The following OTOP3 variants were observed in gnomAD, a reference collection of about 807,000 sequenced individuals.
OTOP3 encodes proton channel OTOP3.
A neutral mutation model predicts 50.8 loss-of-function variants in OTOP3; 41 were observed. That is an observed-to-expected ratio of 0.81 (90% CI 0.63 to 1.05). The LOEUF is 1.05. OTOP3 is among the 50% of genes least tolerant of loss of function. The pLI, the probability that OTOP3 is intolerant of heterozygous loss-of-function variation, is 0.00. For missense variants in OTOP3, 788 were observed against 760.8 expected (o/e 1.04, Z -0.42); for synonymous variants, 320 against 324.4 (o/e 0.99, Z 0.14).
intron 1 of OTOP3, among the ~76,000 whole-genome samples, 162 bp downstream of exon 1, chr17:74,936,102 C>T (rs1197626002): frequency 6.6e-6 from 1 of 152,226 alleles, no homozygotes; most frequent in Non-Finnish European, 1.5e-5. Flanking sequence ...AATCTGAGGC[C>T]GGCCCCTCCA....
chr17:74,942,239 C>T (rs887025404), intron 3 of OTOP3, among the ~76,000 whole-genome samples: 2 of 152,186 alleles, frequency 1.3e-5, no homozygotes, highest in African/African-American at 2.4e-5. Flanking sequence ...ACACACACAC[C>T]GTGTCACCGA....
In OTOP3 at chr17:74,946,896, G is replaced by T; in HGVS notation, c.987G>T (p.Val329=). ...TCGGGCCGCTGCTGGGCCTGCTGGT[G>T]CTGCTGGCAGGTGTGTGCGTCTTTG... ...AIFGPLLGLL[V]LLAGVCVFVL... Residue 329 remains valine (V), a synonymous_variant, in exon 6 of 7, where the codon GTG becomes GTT. Coordinates refer to ENST00000328801, the MANE Select transcript of OTOP3 (RefSeq NM_001272005.2). 6.2e-7 allele frequency: 1 copy of T among 1,611,622 alleles called. No individual in the cohort carries two copies. Among genetic ancestry groups the T allele is most frequent in the Non-Finnish European group, 8.5e-7 (1 of 1,179,894 alleles).
chr17:74,942,128 A>C lies in OTOP3; in HGVS notation c.573+91A>C, dbSNP rs1450050044. On this transcript the variant is annotated intron_variant, in intron 3 of 6. Coordinates refer to ENST00000328801, the MANE Select transcript of OTOP3 (RefSeq NM_001272005.2). ...CCTCCCACTACCTATGCCTAGGAACAGCCACACAGGCAAATACCTAATGTC... is the reference window on the plus strand; with the variant it reads ...CCTCCCACTACCTATGCCTAGGAACCGCCACACAGGCAAATACCTAATGTC... 2.7e-5 allele frequency: 39 copies of C among 1,461,482 alleles called. No individual in the cohort carries two copies. The South Asian group carries it at 5.2e-4, about 19-fold the overall frequency. The allele number at this position is 1,461,482 out of a possible 1,614,324, so 90.5% of individuals were successfully genotyped here.
Position 74,946,691 on chromosome 17 carries a change from A to G in OTOP3, c.782A>G (p.Asn261Ser). The G allele has an allele frequency of 1.9e-6, 3 of 1,610,706 alleles. No homozygotes were observed. The highest frequency in any genetic ancestry group is 2.2e-5 in the East Asian group (1 of 44,854). The change falls in exon 6 of 7, where the codon AAT becomes AGT. Residue 261 changes from asparagine (N) to serine (S), a missense_variant. Transcript: ENST00000328801. ...GAGACCAACACCTGTCTGTGCCTCA[A>G]TGCCACCGCGTGTGAAGCTTTCCGG... The part of the protein sequence containing the change: ...GNETNTCLCL[N>S]ATACEAFRRG...
chr17:74,946,017 G>A (rs899439181), intron 5 of OTOP3, among the ~76,000 whole-genome samples: 6 of 151,012 alleles, frequency 4.0e-5, no homozygotes, highest in Admixed American at 1.3e-4. Flanking sequence ...TTGCTCTGTC[G>A]CCCAGGCTGG....
intron 6 of OTOP3, among the ~76,000 whole-genome samples, chr17:74,948,158 T>A (rs1280754981): frequency 6.6e-6 from 1 of 152,094 alleles, no homozygotes; most frequent in Non-Finnish European, 1.5e-5. Flanking sequence ...GAAGGCTTCA[T>A]GAAGTTTTGA....
chr17:74,946,662 C>A lies in OTOP3; in HGVS notation c.753C>A (p.Gly251=). The A allele has an allele frequency of 6.2e-7, 1 of 1,600,226 alleles. No individual in the cohort carries two copies. Among genetic ancestry groups the A allele is most frequent in the Non-Finnish European group, 8.5e-7 (1 of 1,171,164 alleles). The change falls in exon 6 of 7, where the codon GGC becomes GGA. Residue 251 remains glycine, a splice_region_variant and synonymous_variant. Transcript: ENST00000328801. ...ELGILMEKST[G]NETNTCLCLN... ...CCTCCCACCCTGCCTCCCTCCCAGGCAATGAGACCAACACCTGTCTGTGCC... is the reference window on the plus strand; with the variant it reads ...CCTCCCACCCTGCCTCCCTCCCAGGAAATGAGACCAACACCTGTCTGTGCC...
At position 74,941,972 on chromosome 17, in the gene OTOP3, A is replaced by G. The variant is rs199940677; in HGVS notation, c.508A>G (p.Ile170Val). The G allele has an allele frequency of 2.5e-6, 4 of 1,613,734 alleles. No homozygotes were observed. The highest frequency in any genetic ancestry group is 1.7e-6 in the Non-Finnish European group (2 of 1,179,810). Residue 170 changes from isoleucine to valine, a missense_variant, in exon 3 of 7, where the codon ATC (isoleucine) becomes GTC (valine). By Grantham distance (29) the Ile-to-Val change is conservative. Coordinates refer to ENST00000328801, the MANE Select transcript of OTOP3 (RefSeq NM_001272005.2). ...CCGAGTGGGCTACGATGTGAGCCACATCCGCTGCAAGTCACAGCTGGACCT... is the reference window on the plus strand; with the variant it reads ...CCGAGTGGGCTACGATGTGAGCCACGTCCGCTGCAAGTCACAGCTGGACCT... Reference protein sequence around the residue: ...IFRVGYDVSHIRCKSQLDLVF... With the variant: ...IFRVGYDVSHVRCKSQLDLVF...
chr17:74,949,297 G>A lies in OTOP3; in HGVS notation c.1618G>A (p.Glu540Lys), dbSNP rs1288737372. ...GIHPEFENGL[E>K]KDFYGYQIWF... is the part of the protein sequence containing the mutation. ...ACACCCGGAGTTTGAGAACGGGCTA[G>A]AAAAGGATTTCTACGGCTACCAGAT... Residue 540 changes from glutamate to lysine, a missense_variant, in exon 7 of 7, where the codon GAA becomes AAA. Glu to Lys is a moderately conservative substitution (Grantham distance 56). Coordinates refer to ENST00000328801, the MANE Select transcript of OTOP3 (RefSeq NM_001272005.2). 2 of 1,614,044 alleles carry A rather than the reference G, an allele frequency of 1.2e-6. No individual in the cohort carries two copies. Among genetic ancestry groups the A allele is most frequent in the African/African-American group, 2.7e-5 (2 of 74,932 alleles).
chr17:74,948,558 G>A (rs2039250802), intron 6 of OTOP3, among the ~76,000 whole-genome samples: 1 of 152,222 alleles, frequency 6.6e-6, no homozygotes, highest in Non-Finnish European at 1.5e-5. Context: ...TACTCGGGAG[G>A]CTGAGGCACG....
rs781501800 is a variant in OTOP3, at chr17:74,941,680, G to A, written c.307G>A (p.Val103Met). ...FNKVAVTLGD[V>M]WILLATLKVL... ...CAAGGTGGCCGTCACTCTGGGTGAC[G>A]TGTGGATCCTGCTGGCCACGCTGAA... Residue 103 changes from valine (V) to methionine (M), a missense_variant, in exon 2 of 7, where the codon GTG (valine) becomes ATG (methionine). Val to Met is a conservative substitution (Grantham distance 21). Transcript: ENST00000328801. 50 of 1,614,140 alleles carry A rather than the reference G, an allele frequency of 3.1e-5. No homozygotes were observed. Among genetic ancestry groups the A allele is most frequent in the Middle Eastern group, 1.6e-4 (1 of 6,062 alleles).
chr17:74,938,964 T>C (rs1054623716), intron 1 of OTOP3, among the ~76,000 whole-genome samples: 5 of 150,228 alleles, frequency 3.3e-5, no homozygotes, highest in African/African-American at 9.8e-5. Context: ...GGCGAGGAGT[T>C]CAAGACCAGC....
chr17:74,937,739 G>A (rs1382382209), intron 1 of OTOP3, among the ~76,000 whole-genome samples: 1 of 152,176 alleles, frequency 6.6e-6, no homozygotes, highest in Non-Finnish European at 1.5e-5. Flanking sequence ...ACTAGGTTTG[G>A]GGGGTCCAAG....
Position 74,949,618 on chromosome 17 carries a change from T to C in OTOP3, c.*202T>C. 2 of 610,700 alleles carry C rather than the reference T, an allele frequency of 3.3e-6. No homozygotes were observed. The highest frequency in any genetic ancestry group is 2.8e-6 in the Non-Finnish European group (1 of 358,434). The allele number at this position is 610,700 out of a possible 1,614,324, so 37.8% of individuals were successfully genotyped here. On this transcript the variant is annotated 3_prime_UTR_variant, in exon 7 of 7. Coordinates refer to ENST00000328801, the MANE Select transcript of OTOP3 (RefSeq NM_001272005.2). ...AGGGGCCTGGACACTGAGCTTCTGA[T>C]GCCCACGGCCAGGCCTGGGCACATG...
intron 6 of OTOP3, among the ~76,000 whole-genome samples, chr17:74,947,851 C>G (rs1375645963): frequency 6.6e-6 from 1 of 152,228 alleles, no homozygotes; most frequent in African/African-American, 2.4e-5. Context: ...CCCAGGTACA[C>G]CTTTCCATGC....
At chr17:74,945,812 ACT>A (rs2039219854) in intron 5 of OTOP3, among the ~76,000 whole-genome samples, 1 of 151,778 alleles carries the variant, frequency 6.6e-6, no homozygotes, top group Non-Finnish European at 1.5e-5. Context: ...TTTGAGACAC[ACT>A]CTCACTCTGT....
chr17:74,940,130 CACAT>C (rs1354426702), intron 1 of OTOP3, among the ~76,000 whole-genome samples: 1,948 of 101,018 alleles, frequency 0.019, 32 homozygotes, highest in South Asian at 0.092. Context: ...CACACACACA[CACAT>C]ACATATATAC....
rs778819566 is a variant in OTOP3 at position 74,946,909 on chromosome 17, G to A, written c.1000G>A (p.Val334Met). Residue 334 changes from valine (V) to methionine (M), a missense_variant, in exon 6 of 7, where the codon GTG becomes ATG. Coordinates refer to ENST00000328801, the MANE Select transcript of OTOP3 (RefSeq NM_001272005.2). ...LLGLLVLLAG[V>M]CVFVLFQIEA... ...GGGCCTGCTGGTGCTGCTGGCAGGT[G>A]TGTGCGTCTTTGTGCTCTTCCAAAT... The A allele has an allele frequency of 1.2e-6, 2 of 1,612,066 alleles. No homozygotes were observed. The highest frequency in any genetic ancestry group is 4.5e-5 in the East Asian group (2 of 44,888).
intron 6 of OTOP3, 64 bp from the exon 7 acceptor site, chr17:74,949,182 C>A: frequency 6.4e-7 from 1 of 1,569,956 alleles, no homozygotes; most frequent in Non-Finnish European, 8.7e-7. Flanking sequence ...GGCTGCCTCC[C>A]CTGAACTGAG....
Sources: allele counts gnomAD v4.1 joint callset (sites outside exome capture counted in the v4.1 genomes callset), GRCh38; gene constraint gnomAD v4.1.1; transcripts MANE v1.5; gene names NCBI Gene and HGNC (gene_info 2026-07-23, HGNC 2026-07-21).